Variants in GALNT17 observed in about 807,000 individuals in gnomAD.
The protein encoded by GALNT17 is UDP-GalNAc:polypeptide N-acetylgalactosaminyltransferase-like 3.
GALNT17 carries 29 observed loss-of-function variants against 63.7 expected under a neutral mutation model. That is an observed-to-expected ratio of 0.46 (90% CI 0.34 to 0.62). The LOEUF (loss-of-function observed/expected upper bound fraction) is 0.62. GALNT17 is among the 20% of genes least tolerant of loss of function. GALNT17 has a pLI of 0.01. For synonymous variants in GALNT17, 305 were observed against 318.3 expected (o/e 0.96, Z 0.45); for missense variants, 603 against 799.6 (o/e 0.75, Z 2.97).
chr7:71,163,186 A>G (rs1053818041), intron 1 of GALNT17, among the ~76,000 whole-genome samples: 22 of 152,350 alleles, frequency 1.4e-4, no homozygotes, highest in Middle Eastern at 3.4e-3. Flanking sequence ...AATTAGAAAA[A>G]TGATGCCATT....
intron 2 of GALNT17, among the ~76,000 whole-genome samples, chr7:71,377,867 G>A (rs927584849): frequency 1.3e-5 from 2 of 152,166 alleles, no homozygotes; most frequent in African/African-American, 4.8e-5. Flanking sequence ...GAAGGTGCTT[G>A]CTTCCCTGTT....
At chr7:71,470,946 A>T (rs556659399) in intron 5 of GALNT17, among the ~76,000 whole-genome samples, 80 of 152,308 alleles carry the variant, frequency 5.3e-4, no homozygotes, top group African/African-American at 1.9e-3. Flanking sequence ...GCACATTTTG[A>T]AAAGTATACA....
At chr7:71,511,227 C>T (rs528785671) in intron 5 of GALNT17, among the ~76,000 whole-genome samples, 1 of 152,080 alleles carries the variant, frequency 6.6e-6, no homozygotes, top group East Asian at 1.9e-4. Context: ...CAGGGCCGAG[C>T]ATCTCAAGCA....
At chr7:71,446,588 G>A (rs528651322) in intron 5 of GALNT17, among the ~76,000 whole-genome samples, 16 of 152,052 alleles carry the variant, frequency 1.1e-4, no homozygotes, top group African/African-American at 2.4e-5. Flanking sequence ...TGCTCTAGTC[G>A]CCCAGGCTGG....
chr7:71,701,814 TACAC>T (rs1161648370), intron 9 of GALNT17, among the ~76,000 whole-genome samples: 245 of 8,490 alleles, frequency 0.029, 3 homozygotes, highest in African/African-American at 0.049. Context: ...TATATATATA[TACAC>T]ATATATATAC....
intron 1 of GALNT17, among the ~76,000 whole-genome samples, chr7:71,189,750 T>C (rs1260994969): frequency 6.6e-6 from 1 of 151,972 alleles, no homozygotes; most frequent in African/African-American, 2.4e-5. Context: ...TTTAATATCT[T>C]GGGCCTGTCC....
intron 1 of GALNT17, among the ~76,000 whole-genome samples, chr7:71,191,539 T>G (rs1380702840): frequency 6.6e-6 from 1 of 152,216 alleles, no homozygotes; most frequent in African/African-American, 2.4e-5. Flanking sequence ...TAAAACTTTA[T>G]TTACAGAAAA....
intron 3 of GALNT17, among the ~76,000 whole-genome samples, chr7:71,409,011 T>TAAAC (rs1554366748): frequency 1.1e-3 from 87 of 77,890 alleles, no homozygotes; most frequent in African/African-American, 4.0e-3. Flanking sequence ...TATATGCACA[T>TAAAC]ACACAAACAC....
chr7:71,439,547 C>T (rs747039786), intron 5 of GALNT17, among the ~76,000 whole-genome samples: 1 of 152,214 alleles, frequency 6.6e-6, no homozygotes, highest in Non-Finnish European at 1.5e-5. Flanking sequence ...CATCAACCGA[C>T]ATGCACTGTG....
At chr7:71,443,947 G>A (rs541465315) in intron 5 of GALNT17, among the ~76,000 whole-genome samples, 53 of 152,242 alleles carry the variant, frequency 3.5e-4, no homozygotes, top group African/African-American at 1.2e-3. Context: ...GGCTGGTCTC[G>A]AACTTTTGAC....
At chr7:71,436,253 A>G (rs1786961667) in intron 5 of GALNT17, among the ~76,000 whole-genome samples, 2 of 152,106 alleles carry the variant, frequency 1.3e-5, no homozygotes, top group African/African-American at 2.4e-5. Flanking sequence ...AGATGAGAGG[A>G]TTGCTTAAGC....
intron 9 of GALNT17, among the ~76,000 whole-genome samples, chr7:71,678,069 A>T (rs1414076847): frequency 1.3e-5 from 2 of 152,068 alleles, no homozygotes; most frequent in Non-Finnish European, 2.9e-5. Context: ...GAGCAAAGCA[A>T]CCTAGAACCC....
At chr7:71,330,148 G>A (rs1371583993) in intron 1 of GALNT17, among the ~76,000 whole-genome samples, 1 of 151,872 alleles carries the variant, frequency 6.6e-6, no homozygotes, top group African/African-American at 2.4e-5. Flanking sequence ...AAGTAGCTGG[G>A]ACTACAGGTG....
At chr7:71,322,843 G>T (rs895854663) in intron 1 of GALNT17, among the ~76,000 whole-genome samples, 7 of 152,048 alleles carry the variant, frequency 4.6e-5, no homozygotes, top group African/African-American at 1.7e-4. Flanking sequence ...CCCTCACCAA[G>T]AACCAAATCT....
intron 8 of GALNT17, among the ~76,000 whole-genome samples, chr7:71,675,214 G>A (rs772124262): frequency 7.2e-5 from 11 of 152,106 alleles, no homozygotes; most frequent in Non-Finnish European, 1.5e-4. Flanking sequence ...AGCTCTCCTT[G>A]TTGGCCCTAG....
intron 5 of GALNT17, among the ~76,000 whole-genome samples, chr7:71,508,070 G>A (rs1438803081): frequency 1.3e-5 from 2 of 152,156 alleles, no homozygotes; most frequent in South Asian, 2.1e-4. Context: ...TTTCCTTGCC[G>A]TAATGAGATG....
intron 1 of GALNT17, among the ~76,000 whole-genome samples, chr7:71,164,076 C>T (rs1161300099): frequency 6.6e-6 from 1 of 152,138 alleles, no homozygotes; most frequent in East Asian, 1.9e-4. Context: ...CACTCTGATC[C>T]AACCTTGGGA....
intron 1 of GALNT17, among the ~76,000 whole-genome samples, chr7:71,190,722 C>T (rs545361136): frequency 6.6e-6 from 1 of 152,094 alleles, no homozygotes; most frequent in Non-Finnish European, 1.5e-5. Flanking sequence ...GCCTTAAACT[C>T]CTGGGCTCAA....
At chr7:71,557,184 ATCTGGT>A (rs1789179316) in intron 5 of GALNT17, among the ~76,000 whole-genome samples, 1 of 151,842 alleles carries the variant, frequency 6.6e-6, no homozygotes, top group Non-Finnish European at 1.5e-5. Context: ...GAACCACCAC[ATCTGGT>A]ATTAATTACT....
Sources: gnomAD v4.1 joint callset for allele counts (sites outside exome capture counted in the v4.1 genomes callset) on GRCh38, gnomAD v4.1.1 for gene constraint, MANE v1.5 for transcripts, NCBI Gene and HGNC (gene_info 2026-07-23, HGNC 2026-07-21) for gene names.